Variants in HOMER1 observed in about 807,000 individuals in gnomAD.
HOMER1 encodes the protein homer scaffold protein 1, also known as homer protein homolog 1.
A neutral mutation model predicts 48.9 loss-of-function variants in HOMER1; 3 were observed. That is an observed-to-expected ratio of 0.06 (90% CI 0.03 to 0.16). The LOEUF (loss-of-function observed/expected upper bound fraction) is 0.16. HOMER1 is among the 10% of genes least tolerant of loss of function. The pLI, the probability that HOMER1 is intolerant of heterozygous loss-of-function variation, is 1.00. For synonymous variants in HOMER1, 134 were observed against 146.4 expected, an observed-to-expected ratio of 0.92 and a Z score of 0.61; for missense variants, 247 against 411.4, an observed-to-expected ratio of 0.60 and a Z score of 3.46.
At chr5:79,467,275 C>A (rs1282982678) in intron 1 of HOMER1, among the ~76,000 whole-genome samples, 3 of 151,086 alleles carry the variant, frequency 2.0e-5, no homozygotes, top group East Asian at 4.0e-4. Flanking sequence ...CCTGTAATCC[C>A]AGCTACTCAG....
At chr5:79,485,970 T>C (rs1752088759) in intron 1 of HOMER1, among the ~76,000 whole-genome samples, 1 of 152,208 alleles carries the variant, frequency 6.6e-6, no homozygotes, top group Non-Finnish European at 1.5e-5. Context: ...AGTAACACTG[T>C]GTACTTCTTG....
At chr5:79,388,064 G>C (rs1020170724) in intron 8 of HOMER1, among the ~76,000 whole-genome samples, 1 of 151,968 alleles carries the variant, frequency 6.6e-6, no homozygotes, top group African/African-American at 2.4e-5. Flanking sequence ...ACTAAACTAC[G>C]GTAACCCCAA....
chr5:79,399,519 T>C (rs1283183461), intron 6 of HOMER1, among the ~76,000 whole-genome samples: 1 of 152,244 alleles, frequency 6.6e-6, no homozygotes, highest in African/African-American at 2.4e-5. Flanking sequence ...GAAAGGGTTA[T>C]GTCTTAGAGA....
intron 5 of HOMER1, among the ~76,000 whole-genome samples, chr5:79,419,193 C>T (rs1327356868): frequency 6.6e-6 from 1 of 151,966 alleles, no homozygotes; most frequent in Non-Finnish European, 1.5e-5. Context: ...AGATGGATGA[C>T]TGCATGCTTT....
rs755396342 is a variant in HOMER1, at chr5:79,397,621, C to T, written c.701G>A (p.Cys234Tyr). Reference protein sequence around the residue: ...RLHKRVTELECVSSQANAVHT... With the variant: ...RLHKRVTELEYVSSQANAVHT... The stretch of plus-strand genomic sequence containing the variant: ...TACTGCATTTGCTTGGCTACTAACA[C>T]ATTCAAGTTCAGTCACCTAAAATTA... Residue 234 changes from cysteine (C) to tyrosine (Y), a missense_variant, in exon 7 of 9, where the codon TGT becomes TAT. By Grantham distance (194) the Cys-to-Tyr change is radical. Coordinates refer to ENST00000334082, the MANE Select transcript of HOMER1 (RefSeq NM_004272.5). 1.3e-6 allele frequency: 2 copies of T among 1,598,164 alleles called. No homozygotes were observed. Among genetic ancestry groups the T allele is most frequent in the East Asian group, 2.2e-5 (1 of 44,606 alleles).
chr5:79,429,038 C>A (rs1315477331), intron 5 of HOMER1, among the ~76,000 whole-genome samples: 3 of 152,188 alleles, frequency 2.0e-5, no homozygotes, highest in Admixed American at 2.0e-4. Flanking sequence ...TCATACTTCC[C>A]AATTTCAAAC....
chr5:79,412,967 A>G (rs575432709), intron 5 of HOMER1, among the ~76,000 whole-genome samples: 14 of 152,344 alleles, frequency 9.2e-5, no homozygotes, highest in African/African-American at 3.4e-4. Context: ...AATCAAATGG[A>G]AAATTCAGAA....
intron 1 of HOMER1, among the ~76,000 whole-genome samples, chr5:79,488,073 G>A (rs1424434024): frequency 6.6e-6 from 1 of 152,158 alleles, no homozygotes. Context: ...AACATTTTTA[G>A]AAGTCTGTTT....
chr5:79,503,063 A>G (rs2112376950), intron 1 of HOMER1, among the ~76,000 whole-genome samples: 1 of 152,254 alleles, frequency 6.6e-6, no homozygotes, highest in East Asian at 1.9e-4. Context: ...CTGGGATTAC[A>G]GGCGTGAGCC....
rs1752989632 is a variant in HOMER1 at position 79,513,164 on chromosome 5, C to G, written c.-390G>C. The G allele has an allele frequency of 5.1e-6, 1 of 197,536 alleles. No individual in the cohort carries two copies. The highest frequency in any genetic ancestry group is 1.4e-4 in the East Asian group (1 of 7,180). 12.2% of individuals were successfully genotyped at this position (197,536 alleles called of 1,614,324 possible). A position where few individuals can be genotyped will look rare whatever the true frequency, so the allele number is the denominator to read the frequency against. On this transcript the variant is annotated 5_prime_UTR_variant, in exon 1 of 9. Coordinates refer to ENST00000334082, the MANE Select transcript of HOMER1 (RefSeq NM_004272.5). ...GACACTCAGGGAGAGCCAGGTAACT[C>G]GGCCTTTTCGGAGCTAAGGCTGCGG... is the stretch of plus-strand genomic sequence containing the variant.
chr5:79,400,351 C>CTTTTTT (rs1749501987), intron 6 of HOMER1, among the ~76,000 whole-genome samples: 1 of 149,966 alleles, frequency 6.7e-6, no homozygotes. Flanking sequence ...ATTTCCTTTT[C>CTTTTTT]TTTCTTTTTT....
At chr5:79,391,574 C>G (rs2112206223) in intron 8 of HOMER1, among the ~76,000 whole-genome samples, 1 of 151,786 alleles carries the variant, frequency 6.6e-6, no homozygotes, top group South Asian at 2.1e-4. Flanking sequence ...GAAACTCCGT[C>G]TCTGCTAAAA....
intron 1 of HOMER1, among the ~76,000 whole-genome samples, chr5:79,466,041 A>G (rs80053097): frequency 0.042 from 6,451 of 152,160 alleles, 350 homozygotes; most frequent in East Asian, 0.28. Context: ...AGTAAAAAGC[A>G]AGCAACCTCA....
chr5:79,421,174 G>C (rs1750087513), intron 5 of HOMER1, among the ~76,000 whole-genome samples: 1 of 152,144 alleles, frequency 6.6e-6, no homozygotes, highest in Non-Finnish European at 1.5e-5. Context: ...ATATTTTGCA[G>C]AATACCTTTG....
intron 1 of HOMER1, among the ~76,000 whole-genome samples, chr5:79,494,320 C>A (rs756685607): frequency 6.6e-6 from 1 of 152,178 alleles, no homozygotes; most frequent in Non-Finnish European, 1.5e-5. Flanking sequence ...ACGGGGCTGA[C>A]GACAAATATC....
chr5:79,475,390 A>G (rs1751738373), intron 1 of HOMER1, among the ~76,000 whole-genome samples: 1 of 150,408 alleles, frequency 6.6e-6, no homozygotes, highest in South Asian at 2.1e-4. Flanking sequence ...GACCCATGCA[A>G]GGTGTTCAAT....
At chr5:79,443,105 C>T (rs1465538984) in intron 4 of HOMER1, among the ~76,000 whole-genome samples, 3 of 152,142 alleles carry the variant, frequency 2.0e-5, no homozygotes, top group African/African-American at 7.2e-5. Context: ...CAAGAGTCAG[C>T]TGTATGTGTC....
intron 4 of HOMER1, 21 bp from the exon 5 acceptor site, chr5:79,439,170 G>A (rs907414389): frequency 6.2e-7 from 1 of 1,611,928 alleles, no homozygotes; most frequent in African/African-American, 1.3e-5. Context: ...AGGGGTGGGG[G>A]ATAAAAAATA....
intron 1 of HOMER1, among the ~76,000 whole-genome samples, chr5:79,458,532 C>A (rs1301803286): frequency 6.6e-6 from 1 of 151,882 alleles, no homozygotes; most frequent in Non-Finnish European, 1.5e-5. Flanking sequence ...CAAAATGGCT[C>A]TTAAGGTTAA....
Sources: allele counts gnomAD v4.1 joint callset (sites outside exome capture counted in the v4.1 genomes callset), GRCh38; gene constraint gnomAD v4.1.1; transcripts MANE v1.5; gene names NCBI Gene and HGNC (gene_info 2026-07-23, HGNC 2026-07-21).